EPHA3: variants seen among roughly 807,000 people sequenced by gnomAD.
EPHA3 encodes ephrin type-A receptor 3.
Under a neutral mutation model 107.1 loss-of-function variants are expected in EPHA3, and 42 were observed. The observed-to-expected ratio is 0.39, with a 90% CI of 0.31 to 0.51. EPHA3 has a LOEUF of 0.51. EPHA3 is among the 20% of genes least tolerant of loss of function. EPHA3 has a pLI of 0.78. For synonymous variants in EPHA3, 461 were observed against 424.8 expected, an observed-to-expected ratio of 1.09 and a Z score of -1.05; for missense variants, 1,183 against 1,211.2, an observed-to-expected ratio of 0.98 and a Z score of 0.35.
At chr3:89,134,271 G>T (rs1283852146) in intron 2 of EPHA3, among the ~76,000 whole-genome samples, 7 of 151,690 alleles carry the variant, frequency 4.6e-5, no homozygotes, top group African/African-American at 1.7e-4. Flanking sequence ...ACAACGTGCA[G>T]GTTTGTTACA....
Position 89,476,326 on chromosome 3 carries a change from TGAA to T in EPHA3, c.2847-3066_2847-3064del, listed in dbSNP as rs137915477. On this transcript the variant is annotated intron_variant, in intron 16 of 16. Coordinates refer to ENST00000336596, the MANE Select transcript of EPHA3 (RefSeq NM_005233.6). ...GGAATACACTCAGGAGGTGCAGCTA[TGAA>T]GAAGTGATGAGGAATGTCTCAAATC... is the stretch of plus-strand genomic sequence containing the variant. Among the ~76,000 whole-genome samples the T allele has an allele frequency of 4.8e-3, 706 of 148,330 alleles. 3 individuals are homozygous for T. Among genetic ancestry groups the T allele is most frequent in the African/African-American group, 0.016 (669 of 40,838 alleles).
chr3:89,382,562 G>T (rs78343046), intron 5 of EPHA3, among the ~76,000 whole-genome samples: 3,801 of 151,220 alleles, frequency 0.025, 157 homozygotes, highest in African/African-American at 0.087. Flanking sequence ...ACAAAGAGAA[G>T]CACCAGGGTC....
intron 5 of EPHA3, among the ~76,000 whole-genome samples, chr3:89,369,551 C>T (rs1055870256): frequency 5.3e-5 from 8 of 150,034 alleles, no homozygotes; most frequent in Non-Finnish European, 1.0e-4. Context: ...ACCATAAAAA[C>T]CCTAGAAGAA....
intron 16 of EPHA3, 79 bp from the exon 17 acceptor site, chr3:89,479,318 G>T: frequency 9.0e-7 from 1 of 1,113,244 alleles, no homozygotes; most frequent in Non-Finnish European, 1.4e-6. Flanking sequence ...ATAACATCGT[G>T]CAAATTGTGC....
intron 15 of EPHA3, among the ~76,000 whole-genome samples, chr3:89,451,900 T>C (rs1244005066): frequency 3.3e-5 from 5 of 151,806 alleles, no homozygotes; most frequent in Non-Finnish European, 7.4e-5. Context: ...TGTGTGTGTG[T>C]GTGTGTTTGT....
At chr3:89,197,381 A>G (rs1189035990) in intron 2 of EPHA3, among the ~76,000 whole-genome samples, 1 of 151,716 alleles carries the variant, frequency 6.6e-6, no homozygotes, top group East Asian at 1.9e-4. Flanking sequence ...CCTGAGGCTT[A>G]ACATACTGCC....
chr3:89,250,140 G>A (rs115781364), intron 3 of EPHA3, among the ~76,000 whole-genome samples: 1 of 152,088 alleles, frequency 6.6e-6, no homozygotes, highest in African/African-American at 2.4e-5. Flanking sequence ...GAATAAGGAC[G>A]GTCACTTTTG....
intron 3 of EPHA3, among the ~76,000 whole-genome samples, chr3:89,279,497 C>A (rs1197911279): frequency 2.0e-5 from 3 of 152,042 alleles, no homozygotes; most frequent in Middle Eastern, 3.4e-3. Context: ...AGAAATATGT[C>A]TAAGAAATGT....
chr3:89,369,038 T>C (rs920090113), intron 5 of EPHA3, among the ~76,000 whole-genome samples: 1 of 150,512 alleles, frequency 6.6e-6, no homozygotes, highest in African/African-American at 2.4e-5. Flanking sequence ...GTGCCCACAT[T>C]CTTAGTCATC....
intron 2 of EPHA3, among the ~76,000 whole-genome samples, chr3:89,130,951 A>G (rs1231452480): frequency 1.3e-5 from 2 of 152,168 alleles, no homozygotes; most frequent in South Asian, 2.1e-4. Flanking sequence ...CTCCATTTTT[A>G]AATGGTGCTT....
At chr3:89,318,875 T>G (rs1399788146) in intron 3 of EPHA3, among the ~76,000 whole-genome samples, 1 of 151,972 alleles carries the variant, frequency 6.6e-6, no homozygotes, top group Non-Finnish European at 1.5e-5. Context: ...TAAACAATTT[T>G]GTGAAATCAG....
chr3:89,365,046 T>C (rs544590140), intron 5 of EPHA3, among the ~76,000 whole-genome samples: 1 of 151,054 alleles, frequency 6.6e-6, no homozygotes, highest in Non-Finnish European at 1.5e-5. Context: ...CTACCCTCGA[T>C]GAATTTATAA....
chr3:89,252,901 A>G (rs1393787670), intron 3 of EPHA3, among the ~76,000 whole-genome samples: 2 of 150,492 alleles, frequency 1.3e-5, no homozygotes, highest in Non-Finnish European at 3.0e-5. Flanking sequence ...TTAATGGAAT[A>G]GTATAAAAGA....
intron 3 of EPHA3, among the ~76,000 whole-genome samples, chr3:89,337,287 A>G (rs758387374): frequency 1.3e-5 from 2 of 152,182 alleles, no homozygotes; most frequent in Non-Finnish European, 1.5e-5. Context: ...GCTTTCAATG[A>G]TTGATTTTTA....
intron 3 of EPHA3, among the ~76,000 whole-genome samples, chr3:89,270,781 C>G (rs1314350260): frequency 1.3e-5 from 2 of 151,860 alleles, no homozygotes; most frequent in Non-Finnish European, 1.5e-5. Context: ...GATTAAAAAG[C>G]AAACAAAACA....
At position 89,199,295 on chromosome 3, in the gene EPHA3, A is replaced by T. The variant is rs544063923; in HGVS notation, c.154-10565A>T. ...ATACTTCATCACGATAGTTTTAAAA[A>T]GAACATTTTTGCAATAAGTGTCCTT... is the stretch of plus-strand genomic sequence containing the variant. On this transcript the variant is annotated intron_variant, in intron 2 of 16. Transcript: ENST00000336596. Among the ~76,000 whole-genome samples the T allele has an allele frequency of 2.6e-5, 4 of 152,332 alleles. No individual in the cohort carries two copies. In the East Asian group the frequency reaches 5.8e-4, roughly 22 times the overall value.
chr3:89,138,065 C>T (rs1472808105), intron 2 of EPHA3, among the ~76,000 whole-genome samples: 4 of 151,902 alleles, frequency 2.6e-5, no homozygotes, highest in African/African-American at 9.7e-5. Flanking sequence ...ATGAGGCACA[C>T]AGTACTTACT....
intron 3 of EPHA3, among the ~76,000 whole-genome samples, chr3:89,274,937 T>A (rs1013990289): frequency 3.3e-5 from 5 of 152,210 alleles, no homozygotes; most frequent in South Asian, 2.1e-4. Flanking sequence ...TTCACTAGCA[T>A]GACAGATATG....
intron 2 of EPHA3, among the ~76,000 whole-genome samples, chr3:89,177,854 G>A (rs561722357): frequency 4.6e-4 from 70 of 151,848 alleles, no homozygotes; most frequent in Non-Finnish European, 8.7e-4. Context: ...TCCCTCACTC[G>A]TTTTATTCTC....
Sources: allele counts gnomAD v4.1 joint callset (sites outside exome capture counted in the v4.1 genomes callset), GRCh38; gene constraint gnomAD v4.1.1; transcripts MANE v1.5; gene names NCBI Gene and HGNC (gene_info 2026-07-23, HGNC 2026-07-21).